Variants in PRR16 observed in about 807,000 individuals in gnomAD.
PRR16 encodes the protein protein Largen.
A neutral mutation model predicts 18.2 loss-of-function variants in PRR16; 6 were observed. The observed-to-expected ratio is 0.33, with a 90% confidence interval of 0.18 to 0.65. The LOEUF is 0.65. PRR16 is among the 30% of genes least tolerant of loss of function. The pLI, the probability that PRR16 is intolerant of heterozygous loss-of-function variation, is 0.74. For missense variants in PRR16, 412 were observed against 376.6 expected (o/e 1.09, Z -0.78); for synonymous variants, 151 against 147.8 (o/e 1.02, Z -0.16).
At chr5:120,480,798 A>G (rs773111710) in intron 1 of PRR16, among the ~76,000 whole-genome samples, 7 of 152,232 alleles carry the variant, frequency 4.6e-5, no homozygotes, top group Non-Finnish European at 8.8e-5. Flanking sequence ...TAGTGAACCT[A>G]CAGATAGACC....
intron 1 of PRR16, among the ~76,000 whole-genome samples, chr5:120,626,767 G>A (rs1754878575): frequency 6.6e-6 from 1 of 151,966 alleles, no homozygotes; most frequent in Admixed American, 6.6e-5. Flanking sequence ...TCCATAATTT[G>A]TAGAATAAAA....
At chr5:120,506,566 C>G (rs961819399) in intron 1 of PRR16, among the ~76,000 whole-genome samples, 6 of 152,022 alleles carry the variant, frequency 3.9e-5, no homozygotes, top group African/African-American at 1.4e-4. Context: ...GCCATTTTAA[C>G]CAGAGTGAGA....
chr5:120,468,129 T>C lies in PRR16; in HGVS notation c.159+3484T>C, dbSNP rs368467148. Among the ~76,000 whole-genome samples the C allele has an allele frequency of 1.0e-3, 153 of 152,234 alleles. 1 individual carries two copies. Among genetic ancestry groups the C allele is most frequent in the African/African-American group, 3.3e-3 (137 of 41,562 alleles). ...AGTGAGTATATGTTGATTTATAAAA[T>C]GATGTGTGCTGCATACTTAGTAGTA... On this transcript the variant is annotated intron_variant, in intron 1 of 1. Coordinates refer to ENST00000407149, the MANE Select transcript of PRR16 (RefSeq NM_001300783.2).
chr5:120,625,263 G>T (rs1754826945), intron 1 of PRR16, among the ~76,000 whole-genome samples: 1 of 152,122 alleles, frequency 6.6e-6, no homozygotes, highest in Admixed American at 6.6e-5. Flanking sequence ...TGAAGCAAGT[G>T]GTTATTAGAG....
chr5:120,497,799 T>C (rs1750308167), intron 1 of PRR16, among the ~76,000 whole-genome samples: 1 of 151,592 alleles, frequency 6.6e-6, no homozygotes, highest in Non-Finnish European at 1.5e-5. Flanking sequence ...TTTAATATTA[T>C]CATATACATA....
At chr5:120,537,978 G>A (rs1296980119) in intron 1 of PRR16, among the ~76,000 whole-genome samples, 1 of 151,246 alleles carries the variant, frequency 6.6e-6, no homozygotes, top group Non-Finnish European at 1.5e-5. Context: ...GGGTTTCACC[G>A]TTTTAGCCGG....
intron 1 of PRR16, among the ~76,000 whole-genome samples, chr5:120,669,068 A>G (rs1262642855): frequency 6.6e-6 from 1 of 152,166 alleles, no homozygotes; most frequent in Admixed American, 6.5e-5. Flanking sequence ...ATGTGCCATA[A>G]GAGGATAACT....
intron 1 of PRR16, among the ~76,000 whole-genome samples, chr5:120,678,715 G>C (rs919945288): frequency 1.3e-5 from 2 of 152,064 alleles, no homozygotes; most frequent in Admixed American, 6.5e-5. Context: ...CTAAATATAA[G>C]ATCATATCAT....
intron 1 of PRR16, among the ~76,000 whole-genome samples, chr5:120,637,707 G>A (rs773908866): frequency 6.6e-6 from 1 of 152,042 alleles, no homozygotes; most frequent in South Asian, 2.1e-4. Context: ...CACACTGCTC[G>A]GGTGATGGGT....
chr5:120,789,903 A>ATAT, the PRR16 span: 7 of 130,532 alleles, frequency 5.4e-5, no homozygotes, highest in African/African-American at 2.0e-4. Flanking sequence ...GTTAAACCAT[A>ATAT]CTTATGTTTA....
At chr5:120,628,047 C>T (rs1235785439) in intron 1 of PRR16, among the ~76,000 whole-genome samples, 4 of 151,978 alleles carry the variant, frequency 2.6e-5, no homozygotes, top group Non-Finnish European at 2.9e-5. Context: ...AAACATGTAT[C>T]CTATAATCAC....
At chr5:120,714,243 G>T in the PRR16 span, among the ~76,000 whole-genome samples, 1 of 152,016 alleles carries the variant, frequency 6.6e-6, no homozygotes, top group South Asian at 2.1e-4. Flanking sequence ...AAATATAATA[G>T]AACATAATGT....
intron 1 of PRR16, among the ~76,000 whole-genome samples, chr5:120,601,849 C>T (rs1450849506): frequency 6.6e-6 from 1 of 151,774 alleles, no homozygotes; most frequent in Non-Finnish European, 1.5e-5. Flanking sequence ...GTTGTTGTCA[C>T]CTTTGTCAAA....
intron 1 of PRR16, among the ~76,000 whole-genome samples, chr5:120,607,841 C>T (rs1754203740): frequency 6.6e-6 from 1 of 151,396 alleles, no homozygotes; most frequent in South Asian, 2.1e-4. Flanking sequence ...ATCTTATATA[C>T]CTGACACATT....
At chr5:120,785,869 T>C in the PRR16 span, among the ~76,000 whole-genome samples, 310 of 151,862 alleles carry the variant, frequency 2.0e-3, 1 homozygote, top group African/African-American at 7.1e-3. Flanking sequence ...GCGCCTGGCC[T>C]AGAAGTCTCT....
At chr5:120,526,087 C>T (rs1387777148) in intron 1 of PRR16, among the ~76,000 whole-genome samples, 1 of 152,058 alleles carries the variant, frequency 6.6e-6, no homozygotes, top group Non-Finnish European at 1.5e-5. Flanking sequence ...TGGAAGTTTA[C>T]CTATGGTATG....
chr5:120,553,905 A>G (rs187359757), intron 1 of PRR16, among the ~76,000 whole-genome samples: 1 of 152,056 alleles, frequency 6.6e-6, no homozygotes, highest in Admixed American at 6.6e-5. Flanking sequence ...TACAGTAGGA[A>G]TTCAGTAAAT....
chr5:120,478,285 A>G (rs1479057474), intron 1 of PRR16, among the ~76,000 whole-genome samples: 1 of 152,216 alleles, frequency 6.6e-6, no homozygotes, highest in Non-Finnish European at 1.5e-5. Flanking sequence ...TAAAGATTTC[A>G]TATGAATTAT....
intron 1 of PRR16, among the ~76,000 whole-genome samples, chr5:120,494,638 C>T (rs1750182439): frequency 6.6e-6 from 1 of 152,060 alleles, no homozygotes; most frequent in Admixed American, 6.6e-5. Context: ...TATCAATTTG[C>T]AAATTTTATG....
Sources: allele counts gnomAD v4.1 joint callset (sites outside exome capture counted in the v4.1 genomes callset), GRCh38; gene constraint gnomAD v4.1.1; transcripts MANE v1.5; gene names NCBI Gene and HGNC (gene_info 2026-07-23, HGNC 2026-07-21).